Variants in COL9A1 observed in about 807,000 individuals in gnomAD.
The protein encoded by COL9A1 is collagen alpha-1(IX) chain.
In COL9A1, 104 loss-of-function variants were observed where a neutral mutation model predicts 142.6. The observed-to-expected ratio is 0.73, with a 90% CI of 0.62 to 0.86. COL9A1 has a LOEUF of 0.86. Ranked by LOEUF, COL9A1 falls within the 40% of genes least tolerant of loss-of-function variation. COL9A1 has a pLI of 0.00. For missense variants in COL9A1, 1,210 were observed against 1,176.6 expected (o/e 1.03, Z -0.42); for synonymous variants, 466 against 396.0 (o/e 1.18, Z -2.10).
chr6:70,300,911 G>C (rs1263327033), intron 2 of COL9A1, among the ~76,000 whole-genome samples: 2 of 152,080 alleles, frequency 1.3e-5, no homozygotes, highest in African/African-American at 4.8e-5. Context: ...GAGTTCTTAG[G>C]AATCTTTGTC....
rs1768508437 is a variant in COL9A1 at position 70,216,446 on chromosome 6, T to A, written c.*451A>T. 5.5e-6 allele frequency: 1 copy of A among 180,838 alleles called. No individual in the cohort carries two copies. 11.2% of individuals were successfully genotyped at this position (180,838 alleles called of 1,614,324 possible). Reference sequence around the variant, plus strand: ...CATTGAATGTAGTGGGGTTTCTTCATAACTAGTCTAGTAATCCTCTATATA... The same window carrying A: ...CATTGAATGTAGTGGGGTTTCTTCAAAACTAGTCTAGTAATCCTCTATATA... On this transcript the variant is annotated 3_prime_UTR_variant, in exon 38 of 38. Coordinates refer to ENST00000357250, the MANE Select transcript of COL9A1 (RefSeq NM_001851.6).
intron 5 of COL9A1, among the ~76,000 whole-genome samples, chr6:70,290,870 T>C (rs997553121): frequency 1.3e-5 from 2 of 152,136 alleles, no homozygotes; most frequent in African/African-American, 4.8e-5. Context: ...CACTTTTTCT[T>C]ATTGTTTTTA....
At chr6:70,286,105 T>C (rs1463494211) in intron 5 of COL9A1, among the ~76,000 whole-genome samples, 3 of 152,156 alleles carry the variant, frequency 2.0e-5, no homozygotes, top group African/African-American at 7.2e-5. Flanking sequence ...GCCAGGATGG[T>C]CTCGATCTCT....
At chr6:70,242,822 A>C in intron 28 of COL9A1, 107 bp from the exon 29 acceptor site, 1 of 992,918 alleles carries the variant, frequency 1.0e-6, no homozygotes, top group Non-Finnish European at 1.6e-6. Context: ...CTTCAGCTAA[A>C]GGCATAGGCC....
At chr6:70,284,520 T>C (rs1773366136) in intron 5 of COL9A1, among the ~76,000 whole-genome samples, 1 of 152,214 alleles carries the variant, frequency 6.6e-6, no homozygotes, top group Non-Finnish European at 1.5e-5. Context: ...ACACTTGAAA[T>C]CCAAATGTGT....
intron 19 of COL9A1, among the ~76,000 whole-genome samples, chr6:70,262,303 T>C (rs925010296): frequency 1.3e-5 from 2 of 152,174 alleles, no homozygotes; most frequent in Non-Finnish European, 2.9e-5. Context: ...CACCACAGAT[T>C]CCCTGAAAGT....
At chr6:70,270,857 A>G (rs1205673698) in intron 14 of COL9A1, among the ~76,000 whole-genome samples, 2 of 152,202 alleles carry the variant, frequency 1.3e-5, no homozygotes, top group African/African-American at 2.4e-5. Context: ...CTGTCACTGC[A>G]CCTCTTGCAA....
chr6:70,272,079 T>C lies in COL9A1; in HGVS notation c.1075A>G (p.Ile359Val), dbSNP rs1165801428. Residue 359 changes from isoleucine to valine, a missense_variant, in exon 13 of 38, where the codon ATT (isoleucine) becomes GTT (valine). Physicochemically the swap from Ile to Val is conservative, Grantham distance 29 (BLOSUM62 3). Coordinates refer to ENST00000357250, the MANE Select transcript of COL9A1 (RefSeq NM_001851.6). ...PGSRGFPGRG[I>V]PGPPGPPGTA... ...GTGATACTTACAGGGGGTCCAGGAA[T>C]ACCACGGCCCTAAAAGAGTACAATA... 1.2e-6 allele frequency: 2 copies of C among 1,611,968 alleles called. No individual in the cohort carries two copies. The highest frequency in any genetic ancestry group is 1.7e-5 in the Admixed American group (1 of 59,930).
At chr6:70,220,389 GGTGTGTGTGTGT>G (rs58525634) in intron 37 of COL9A1, among the ~76,000 whole-genome samples, 45 of 148,706 alleles carry the variant, frequency 3.0e-4, no homozygotes, top group African/African-American at 1.1e-3. Context: ...GGTGTGGCAG[GGTGTGTGTGTGT>G]GTGTGTGTGT....
At chr6:70,242,197 G>T (rs1387126107) in intron 29 of COL9A1, 162 bp from the exon 30 acceptor site, 6 of 696,688 alleles carry the variant, frequency 8.6e-6, no homozygotes, top group Non-Finnish European at 1.6e-5. Context: ...ATTCTCAGGA[G>T]AAGAGGGCGG....
chr6:70,280,681 G>A (rs1477328092), intron 10 of COL9A1, 131 bp downstream of exon 10: 1 of 1,354,282 alleles, frequency 7.4e-7, no homozygotes, highest in Non-Finnish European at 1.0e-6. Context: ...GCTGGCAGGA[G>A]GCCAAGTTTA....
At chr6:70,280,221 C>T (rs1773058207) in intron 10 of COL9A1, 1 of 1,028,636 alleles carries the variant, frequency 9.7e-7, no homozygotes, top group Non-Finnish European at 1.3e-6. Flanking sequence ...CCAGTAATGC[C>T]AGCCAGAAAA....
At chr6:70,283,115 A>G in intron 6 of COL9A1, 197 bp from the exon 7 acceptor site, 1 of 1,496,546 alleles carries the variant, frequency 6.7e-7, no homozygotes, top group Non-Finnish European at 8.9e-7. Flanking sequence ...CTAGGCTTCC[A>G]GACCCGCCAC....
At chr6:70,241,873 T>A in intron 30 of COL9A1, 91 bp downstream of exon 30, 1 of 1,148,644 alleles carries the variant, frequency 8.7e-7, no homozygotes, top group Non-Finnish European at 1.3e-6. Context: ...TCTAGAAAAT[T>A]CTCCACAGGG....
At chr6:70,231,160 G>C (rs1016591916) in intron 36 of COL9A1, among the ~76,000 whole-genome samples, 2 of 152,122 alleles carry the variant, frequency 1.3e-5, no homozygotes, top group Non-Finnish European at 2.9e-5. Context: ...CAAGGTCCCT[G>C]GTGACTCCGC....
rs755136585 is a variant in COL9A1 at position 70,280,825 on chromosome 6, GTGCCAGGCT to G, written c.953_961del (p.Lys318_Gly320del). On this transcript the variant is annotated inframe_deletion, in exon 10 of 38. Transcript: ENST00000357250. ...TCGCCTACTCACATCAGCGCCAGGTGTGCCAGGCTTGCCTGGAGCTCCTGGCTTTCCCGG... is the reference window on the plus strand; with the variant it reads ...TCGCCTACTCACATCAGCGCCAGGTGTGCCTGGAGCTCCTGGCTTTCCCGG... The G allele has an allele frequency of 1.1e-5, 17 of 1,612,994 alleles. No individual in the cohort carries two copies. The African/African-American group carries it at 1.9e-4, about 18-fold the overall frequency.
intron 5 of COL9A1, among the ~76,000 whole-genome samples, chr6:70,287,769 G>T (rs1289957327): frequency 6.6e-6 from 1 of 152,168 alleles, no homozygotes; most frequent in Non-Finnish European, 1.5e-5. Flanking sequence ...ATATGAGTCA[G>T]TTTCTTATTC....
At chr6:70,283,404 C>T (rs1399544862) in intron 6 of COL9A1, among the ~76,000 whole-genome samples, 2 of 152,218 alleles carry the variant, frequency 1.3e-5, no homozygotes, top group Non-Finnish European at 2.9e-5. Context: ...GGAGACTTCC[C>T]GGGTGGCCTG....
At position 70,283,454 on chromosome 6, in the gene COL9A1, T is replaced by C. The variant is rs143600390; in HGVS notation, c.780+283A>G. On this transcript the variant is annotated intron_variant, in intron 6 of 37. Transcript: ENST00000357250. Reference sequence around the variant, plus strand: ...AGTAGAACTCAAGTGTTCTTGGACATGTTTGAGAGTAAGGGAGGAGGGTCC... The same window carrying C: ...AGTAGAACTCAAGTGTTCTTGGACACGTTTGAGAGTAAGGGAGGAGGGTCC... Among the ~76,000 whole-genome samples the C allele has an allele frequency of 8.3e-3, 1,261 of 152,296 alleles. 6 individuals carry two copies. The highest frequency in any genetic ancestry group is 0.014 in the Middle Eastern group (4 of 294).
Sources: gnomAD v4.1 joint callset for allele counts (sites outside exome capture counted in the v4.1 genomes callset) on GRCh38, gnomAD v4.1.1 for gene constraint, MANE v1.5 for transcripts, NCBI Gene and HGNC (gene_info 2026-07-23, HGNC 2026-07-21) for gene names.